Variants in PTPRN2 observed in about 807,000 individuals in gnomAD.
PTPRN2 encodes protein tyrosine phosphatase receptor type N2.
A neutral mutation model predicts 118.8 loss-of-function variants in PTPRN2; 74 were observed. The observed-to-expected ratio is 0.62, with a 90% CI of 0.52 to 0.76. The LOEUF is 0.76. Ranked by LOEUF, PTPRN2 falls within the 30% of genes least tolerant of loss-of-function variation. PTPRN2 has a pLI of 0.00. For synonymous variants in PTPRN2, 641 were observed against 608.0 expected, an observed-to-expected ratio of 1.05 and a Z score of -0.80; for missense variants, 1,481 against 1,394.4, an observed-to-expected ratio of 1.06 and a Z score of -0.99.
rs1563392033 is a variant in PTPRN2 at position 158,071,571 on chromosome 7, G to GA, written c.1723+9726_1723+9727insT. 4.3e-3 allele frequency among the ~76,000 whole-genome samples: 87 copies of GA among 20,224 alleles called. 12 individuals are homozygous for GA. Among genetic ancestry groups the GA allele is most frequent in the African/African-American group, 0.012 (81 of 6,800 alleles). The allele number at this position is 20,224 out of a possible 152,430, so 13.3% of individuals were successfully genotyped here. A position where few individuals can be genotyped will look rare whatever the true frequency, so the allele number is the denominator to read the frequency against. Reference sequence around the variant, plus strand: ...GCTCCTGGTGGTGGAGGTGCTCCTGGTGGAGGTGCTCCTGGTGGAGGTGCT... The same window carrying GA: ...GCTCCTGGTGGTGGAGGTGCTCCTGGATGGAGGTGCTCCTGGTGGAGGTGCT... On this transcript the variant is annotated intron_variant, in intron 11 of 22. Coordinates refer to ENST00000389418, the MANE Select transcript of PTPRN2 (RefSeq NM_002847.5).
At chr7:158,557,385 T>TAGGCAGCTCCCGCGCAGGTC in intron 1 of PTPRN2, among the ~76,000 whole-genome samples, 2 of 129,232 alleles carry the variant, frequency 1.5e-5, no homozygotes, top group African/African-American at 6.1e-5. Flanking sequence ...CCACGCAGTT[T>TAGGCAGCTCCCGCGCAGGTC]AGGCAGCTCC....
At chr7:158,395,004 G>C (rs1216159828) in intron 2 of PTPRN2, among the ~76,000 whole-genome samples, 2 of 152,194 alleles carry the variant, frequency 1.3e-5, no homozygotes, top group African/African-American at 2.4e-5. Context: ...CGACACCTGG[G>C]CCAACCAGCC....
chr7:158,200,077 A>T (rs1394892916), intron 4 of PTPRN2, among the ~76,000 whole-genome samples: 6 of 152,044 alleles, frequency 3.9e-5, no homozygotes, highest in African/African-American at 1.5e-4. Context: ...CAATCCACAT[A>T]TGAGAAGAAA....
intron 5 of PTPRN2, among the ~76,000 whole-genome samples, chr7:158,185,812 G>C (rs1238918119): frequency 6.6e-6 from 1 of 152,188 alleles, no homozygotes; most frequent in East Asian, 1.9e-4. Flanking sequence ...TGAACCATGG[G>C]GGAGCTCTCT....
chr7:157,757,301 G>C (rs976856443), intron 12 of PTPRN2, among the ~76,000 whole-genome samples: 7 of 152,194 alleles, frequency 4.6e-5, no homozygotes, highest in Admixed American at 4.6e-4. Flanking sequence ...GGCCCACGGA[G>C]GAGGAGCACT....
At chr7:158,435,406 A>G (rs1816506923) in intron 2 of PTPRN2, among the ~76,000 whole-genome samples, 1 of 152,206 alleles carries the variant, frequency 6.6e-6, no homozygotes, top group South Asian at 2.1e-4. Flanking sequence ...ATGAGCTATC[A>G]TATCAAACTT....
intron 11 of PTPRN2, among the ~76,000 whole-genome samples, chr7:158,041,544 A>G (rs141735977): frequency 0.014 from 2,164 of 152,248 alleles, 64 homozygotes; most frequent in African/African-American, 0.049. Context: ...AGGCTGAGGC[A>G]GGAGAATCGC....
chr7:158,044,438 T>C (rs911720298), intron 11 of PTPRN2, among the ~76,000 whole-genome samples: 9 of 152,192 alleles, frequency 5.9e-5, no homozygotes, highest in South Asian at 2.1e-4. Flanking sequence ...AGCACTCCAA[T>C]GTGTGTGTCT....
intron 12 of PTPRN2, among the ~76,000 whole-genome samples, chr7:157,818,792 T>A (rs1224570596): frequency 6.6e-6 from 1 of 152,128 alleles, no homozygotes; most frequent in East Asian, 1.9e-4. Context: ...GATTAATTAA[T>A]TCATTAATTA....
rs1198600666 is a variant in PTPRN2 at position 157,690,198 on chromosome 7, G to A, written c.1789-7261C>T. ...AGCTGCCAACCCTCCAAATCTGTGCGCTCAGAAGGAGCTGCCCTTTGCCCG... is the reference window on the plus strand; with the variant it reads ...AGCTGCCAACCCTCCAAATCTGTGCACTCAGAAGGAGCTGCCCTTTGCCCG... On this transcript the variant is annotated intron_variant, in intron 12 of 22. Transcript: ENST00000389418. The surrounding 1 kb of genome is among the most constrained non-coding windows in gnomAD (Gnocchi z 7.1). Among the ~76,000 whole-genome samples, 1 of 152,150 alleles carries A rather than the reference G, an allele frequency of 6.6e-6. No individual in the cohort carries two copies. Among genetic ancestry groups the A allele is most frequent in the East Asian group, 1.9e-4 (1 of 5,162 alleles).
intron 2 of PTPRN2, among the ~76,000 whole-genome samples, chr7:158,320,252 AT>A (rs1802889370): frequency 6.6e-6 from 1 of 151,872 alleles, no homozygotes; most frequent in Non-Finnish European, 1.5e-5. Flanking sequence ...GCAGATATTA[AT>A]TTTCCACTTT....
intron 12 of PTPRN2, among the ~76,000 whole-genome samples, chr7:157,726,884 G>T (rs1310571478): frequency 6.6e-6 from 1 of 152,200 alleles, no homozygotes. Context: ...ACACACAAAT[G>T]ACCTCAGGCA....
rs139883418 is a variant in PTPRN2 at position 158,046,126 on chromosome 7, G to A, written c.1723+35172C>T. Reference sequence around the variant, plus strand: ...CAGGAGCAGAACCTGTGATCCTGGCGTCCTGACACTGCAATCCTTGCATCC... The same window carrying A: ...CAGGAGCAGAACCTGTGATCCTGGCATCCTGACACTGCAATCCTTGCATCC... On this transcript the variant is annotated intron_variant, in intron 11 of 22. Coordinates refer to ENST00000389418, the MANE Select transcript of PTPRN2 (RefSeq NM_002847.5). Among the ~76,000 whole-genome samples, 493 of 141,958 alleles carry A rather than the reference G, an allele frequency of 3.5e-3. 6 individuals are homozygous for A. Among genetic ancestry groups the A allele is most frequent in the African/African-American group, 0.012 (445 of 37,490 alleles). 93.1% of individuals were successfully genotyped at this position (141,958 alleles called of 152,430 possible). A position where few individuals can be genotyped will look rare whatever the true frequency, so the allele number is the denominator to read the frequency against.
intron 2 of PTPRN2, among the ~76,000 whole-genome samples, chr7:158,415,022 CCTGATGATACAACCAGCTACTTCT>C (rs879413219): frequency 0.31 from 10,556 of 33,964 alleles, 4,860 homozygotes; most frequent in Admixed American, 0.4. Flanking sequence ...CAGCTACTTT[CCTGATGATACAACCAGCTACTTCT>C]CTGATGATAC....
intron 14 of PTPRN2, among the ~76,000 whole-genome samples, chr7:157,636,454 C>T (rs891628965): frequency 3.3e-5 from 5 of 152,176 alleles, no homozygotes; most frequent in Admixed American, 1.3e-4. Flanking sequence ...GATTTTAATA[C>T]CAGACTGCAG....
intron 13 of PTPRN2, 69 bp from the exon 14 acceptor site, chr7:157,656,620 G>T: frequency 7.3e-7 from 1 of 1,375,432 alleles, no homozygotes; most frequent in Non-Finnish European, 9.9e-7. Context: ...CGAGGGCCAC[G>T]GCACCCACGT....
intron 11 of PTPRN2, among the ~76,000 whole-genome samples, chr7:158,075,153 C>T (rs919301833): frequency 1.3e-5 from 2 of 152,226 alleles, no homozygotes. Context: ...GTCCTGGGTG[C>T]TGCCAGCCCT....
Position 158,134,072 on chromosome 7 carries a change from AC to A in PTPRN2, c.1174-14del. The A allele has an allele frequency of 6.2e-7, 1 of 1,607,416 alleles. No individual in the cohort carries two copies. The highest frequency in any genetic ancestry group is 1.1e-5 in the South Asian group (1 of 90,596). ...TCAGACGATGGACCTGACAGAGAGG[AC>A]ATTCCGTGAGGGACGTCTGCGAAAG... On this transcript the variant is annotated splice_polypyrimidine_tract_variant and intron_variant, in intron 8 of 22. Coordinates refer to ENST00000389418, the MANE Select transcript of PTPRN2 (RefSeq NM_002847.5).
In PTPRN2 at chr7:157,784,095, G is replaced by A. The variant is rs1195686813; in HGVS notation, c.1789-101158C>T. 1.3e-5 allele frequency among the ~76,000 whole-genome samples: 2 copies of A among 152,170 alleles called. No homozygotes were observed. The highest frequency in any genetic ancestry group is 2.9e-5 in the Non-Finnish European group (2 of 68,030). On this transcript the variant is annotated intron_variant, in intron 12 of 22. Coordinates refer to ENST00000389418, the MANE Select transcript of PTPRN2 (RefSeq NM_002847.5). The surrounding 1 kb of genome is among the most constrained non-coding windows in gnomAD (Gnocchi z 4.6). ...AGTGCAGAGGAGGAGAAGGAAGCTG[G>A]GATGGGTGTGTTTAGTTCTGCTTCC...
Sources: allele counts gnomAD v4.1 joint callset (sites outside exome capture counted in the v4.1 genomes callset), GRCh38; gene constraint gnomAD v4.1.1; non-coding constraint Gnocchi (gnomAD v3.1); transcripts MANE v1.5; gene names NCBI Gene and HGNC (gene_info 2026-07-23, HGNC 2026-07-21).